Variants in CPNE7 observed in about 807,000 individuals in gnomAD.
The protein encoded by CPNE7 is copine 7.
A neutral mutation model predicts 66.5 loss-of-function variants in CPNE7; 78 were observed. The ratio of observed to expected loss-of-function variants is 1.17; its 90% CI spans 0.98 to 1.42. The LOEUF is 1.42. Ranked by LOEUF, CPNE7 falls within the 40% of genes most tolerant of loss-of-function variation. The pLI, the probability that CPNE7 is intolerant of heterozygous loss-of-function variation, is 0.00. For missense variants in CPNE7, 1,012 were observed against 776.6 expected (o/e 1.30, Z -3.60); for synonymous variants, 468 against 336.7 (o/e 1.39, Z -4.27).
rs899778037 is a variant in CPNE7, at chr16:89,595,284, G to C, written c.1303-83G>C. 3.0e-5 allele frequency: 35 copies of C among 1,166,340 alleles called. No individual in the cohort carries two copies. The South Asian group carries it at 4.4e-4, about 15-fold the overall frequency. The allele number at this position is 1,166,340 out of a possible 1,614,324, so 72.2% of individuals were successfully genotyped here. A position where few individuals can be genotyped will look rare whatever the true frequency, so the allele number is the denominator to read the frequency against. On this transcript the variant is annotated intron_variant, in intron 13 of 14. Transcript: ENST00000319518. ...AGCTCTGACGCACGGAGGCACTCTG[G>C]GCTGTCTGGGGGCCCGTGGGTTGCA...
intron 2 of CPNE7, among the ~76,000 whole-genome samples, chr16:89,580,600 C>T (rs541064723): frequency 1.5e-5 from 2 of 137,152 alleles, no homozygotes; most frequent in Admixed American, 7.3e-5. Context: ...CGGAACATCC[C>T]GTCACCCGCT....
intron 2 of CPNE7, among the ~76,000 whole-genome samples, chr16:89,578,493 C>T (rs1378162340): frequency 6.6e-6 from 1 of 152,202 alleles, no homozygotes; most frequent in Admixed American, 6.5e-5. Context: ...GCCGTGGTGG[C>T]TCACACCTGT....
chr16:89,591,188 C>T lies in CPNE7; in HGVS notation c.1230C>T (p.Pro410=), dbSNP rs935020211. ...NCLPRVQLYG[P]TNVAPIISKV... The stretch of plus-strand genomic sequence containing the variant: ...TGCCCAGGGTCCAGCTCTACGGCCC[C>T]ACCAACGTGGCGCCCATCATCTCCA... Residue 410 remains proline (P), a synonymous_variant, in exon 13 of 15, where the codon CCC becomes CCT. Transcript: ENST00000319518. 7 of 1,600,620 alleles carry T rather than the reference C, an allele frequency of 4.4e-6. No individual in the cohort carries two copies. The African/African-American group carries it at 8.0e-5, about 18-fold the overall frequency.
intron 2 of CPNE7, among the ~76,000 whole-genome samples, chr16:89,580,813 C>G (rs1350790775): frequency 6.7e-6 from 1 of 149,166 alleles, no homozygotes; most frequent in African/African-American, 2.5e-5. Context: ...ATCCCGTCAC[C>G]TGTAACACGG....
chr16:89,576,998 G>C (rs1567949760), intron 1 of CPNE7, among the ~76,000 whole-genome samples: 1 of 152,240 alleles, frequency 6.6e-6, no homozygotes, highest in Non-Finnish European at 1.5e-5. Flanking sequence ...CTCAGAGCGT[G>C]AGCTGTACGG....
chr16:89,594,619 T>A (rs951600538), intron 13 of CPNE7, among the ~76,000 whole-genome samples: 1 of 150,544 alleles, frequency 6.6e-6, no homozygotes, highest in African/African-American at 2.4e-5. Context: ...TGGAAGTTGA[T>A]TTTATTTGAA....
rs530511449 is a variant in CPNE7 at position 89,591,176 on chromosome 16, G to T, written c.1218G>T (p.Gln406His). The T allele has an allele frequency of 1.9e-6, 3 of 1,604,616 alleles. No individual in the cohort carries two copies. The highest frequency in any genetic ancestry group is 2.2e-5 in the East Asian group (1 of 44,574). The part of the protein sequence containing the change: ...EAYQNCLPRV[Q>H]LYGPTNVAPI... ...ACCAGAACTGCCTGCCCAGGGTCCA[G>T]CTCTACGGCCCCACCAACGTGGCGC... The change falls in exon 13 of 15, where the codon CAG (glutamine) becomes CAT (histidine). Residue 406 changes from glutamine (Q) to histidine (H), a missense_variant. Transcript: ENST00000319518.
chr16:89,588,261 C>T (rs920958197), intron 9 of CPNE7, among the ~76,000 whole-genome samples: 31 of 151,214 alleles, frequency 2.1e-4, no homozygotes, highest in African/African-American at 4.4e-4. Flanking sequence ...TTTGCAGATG[C>T]GCTGGTTCGT....
At chr16:89,587,144 GGCCCCGCCCCGCC>G (rs780672482) in intron 9 of CPNE7, 42 bp downstream of exon 9, 408,771 of 1,252,086 alleles carry the variant, frequency 0.33, 88,700 homozygotes, top group South Asian at 0.43. Flanking sequence ...CTCAGTCCGT[GGCCCCGCCCCGCC>G]CCGCCCCCTC....
intron 13 of CPNE7, 126 bp downstream of exon 13, chr16:89,591,386 G>A (rs2059166923): frequency 1.5e-6 from 2 of 1,333,234 alleles, no homozygotes; most frequent in South Asian, 1.5e-5. Flanking sequence ...GCAGGACAGA[G>A]CTCAGGAGGG....
rs1395124155 is a variant in CPNE7 at position 89,586,733 on chromosome 16, G to C, written c.844G>C (p.Val282Leu). The C allele has an allele frequency of 1.2e-6, 2 of 1,612,794 alleles. No individual in the cohort carries two copies. Among genetic ancestry groups the C allele is most frequent in the African/African-American group, 2.7e-5 (2 of 74,658 alleles). Residue 282 changes from valine (V) to leucine (L), a missense_variant, in exon 8 of 15, where the codon GTG becomes CTG. Coordinates refer to ENST00000319518, the MANE Select transcript of CPNE7 (RefSeq NM_153636.3). Reference sequence around the variant, plus strand: ...GAGACGCAGTTATAAGAACTCAGGAGTGGTCGTCCTGGCTGACCTCAAGGT... The same window carrying C: ...GAGACGCAGTTATAAGAACTCAGGACTGGTCGTCCTGGCTGACCTCAAGGT... ...QKRRSYKNSG[V>L]VVLADLKFHR... is the part of the protein sequence containing the mutation.
At chr16:89,585,425 C>T (rs953413958) in intron 5 of CPNE7, 39 bp from the exon 6 acceptor site, 2 of 1,452,618 alleles carry the variant, frequency 1.4e-6, no homozygotes, top group Non-Finnish European at 1.9e-6. Context: ...GATCCCAGGG[C>T]CCTGGGCCTC....
At chr16:89,583,554 G>A in intron 2 of CPNE7, 143 bp from the exon 3 acceptor site, 1 of 1,586,992 alleles carries the variant, frequency 6.3e-7, no homozygotes, top group Non-Finnish European at 8.6e-7. Context: ...CACAAAGGGG[G>A]CGCGGGCCCT....
At position 89,589,020 on chromosome 16, in the gene CPNE7, G is replaced by A. The variant is rs536981182; in HGVS notation, c.1061+212G>A. ...TGTCAGACTGTGAGGGGCCGGGCGC[G>A]GTAGCTCATGCCTGTAATCCCAGCA... On this transcript the variant is annotated intron_variant, in intron 10 of 14. Transcript: ENST00000319518. Among the ~76,000 whole-genome samples the A allele has an allele frequency of 1.9e-4, 29 of 152,330 alleles. 1 individual carries two copies. Among genetic ancestry groups the A allele is most frequent in the Admixed American group, 3.9e-4 (6 of 15,292 alleles).
In CPNE7 at chr16:89,584,250, A is replaced by G; in HGVS notation, c.507+148A>G. ...GCCTGGGGCTGGGCGTGCTGCCGTCACGGTCGCCATCATCACTGTCACCGC... is the reference window on the plus strand; with the variant it reads ...GCCTGGGGCTGGGCGTGCTGCCGTCGCGGTCGCCATCATCACTGTCACCGC... On this transcript the variant is annotated intron_variant, in intron 4 of 14. Transcript: ENST00000319518. The surrounding 1 kb of genome is among the most constrained non-coding windows in gnomAD (Gnocchi z 6.0). 1 of 783,868 alleles carries G rather than the reference A, an allele frequency of 1.3e-6. No homozygotes were observed. Among genetic ancestry groups the G allele is most frequent in the Non-Finnish European group, 2.0e-6 (1 of 505,732 alleles). The allele number at this position is 783,868 out of a possible 1,614,324, so 48.6% of individuals were successfully genotyped here. A position where few individuals can be genotyped will look rare whatever the true frequency, so the allele number is the denominator to read the frequency against.
At chr16:89,578,893 G>A in intron 2 of CPNE7, 1 of 1,613,536 alleles carries the variant, frequency 6.2e-7, no homozygotes, top group Non-Finnish European at 8.5e-7. Flanking sequence ...CGTGATGAGA[G>A]TGTCTGTTGA....
Position 89,585,720 on chromosome 16 carries a change from C to A in CPNE7, c.715C>A (p.His239Asn), listed in dbSNP as rs1195458204. 1 of 1,549,464 alleles carries A rather than the reference C, an allele frequency of 6.5e-7. No homozygotes were observed. Among genetic ancestry groups the A allele is most frequent in the Admixed American group, 2.0e-5 (1 of 50,768 alleles). ...LVWDYDSRGK[H>N]DFIGEFSTTF... The stretch of plus-strand genomic sequence containing the variant: ...CTGGGATTACGACTCTCGAGGAAAG[C>A]ACGACTTCATCGGAGAATTCTCTAC... Residue 239 changes from histidine (H) to asparagine (N), a missense_variant, in exon 7 of 15, where the codon CAC becomes AAC. Coordinates refer to ENST00000319518, the MANE Select transcript of CPNE7 (RefSeq NM_153636.3).
intron 10 of CPNE7, 43 bp downstream of exon 10, chr16:89,588,851 G>T: frequency 6.2e-7 from 1 of 1,606,060 alleles, no homozygotes; most frequent in Non-Finnish European, 8.5e-7. Context: ...CTCCAGGTCA[G>T]CTATGACAGG....
At position 89,594,871 on chromosome 16, in the gene CPNE7, C is replaced by T. The variant is rs921500983; in HGVS notation, c.1303-496C>T. ...TTCACCATTTTGGCCAGGCTGGTCTCGAACTCCTGACCTCAGGTGATCCGC... is the reference window on the plus strand; with the variant it reads ...TTCACCATTTTGGCCAGGCTGGTCTTGAACTCCTGACCTCAGGTGATCCGC... On this transcript the variant is annotated intron_variant, in intron 13 of 14. Coordinates refer to ENST00000319518, the MANE Select transcript of CPNE7 (RefSeq NM_153636.3). 3.3e-5 allele frequency among the ~76,000 whole-genome samples: 5 copies of T among 151,834 alleles called. No individual in the cohort carries two copies. The East Asian group carries it at 9.7e-4, about 29-fold the overall frequency.
Sources: allele counts gnomAD v4.1 joint callset (sites outside exome capture counted in the v4.1 genomes callset), GRCh38; gene constraint gnomAD v4.1.1; non-coding constraint Gnocchi (gnomAD v3.1); transcripts MANE v1.5; gene names NCBI Gene and HGNC (gene_info 2026-07-23, HGNC 2026-07-21).